Variants in CFC1 observed in about 807,000 individuals in gnomAD.
CFC1 encodes cryptic protein.
For missense variants in CFC1, 14 were observed against 120.0 expected, an observed-to-expected ratio of 0.12 and a Z score of 4.13; for synonymous variants, 8 against 50.7, an observed-to-expected ratio of 0.16 and a Z score of 3.58.
chr2:130,598,409 T>C (rs374708803), intron 3 of CFC1, among the ~76,000 whole-genome samples: 2 of 150,494 alleles, frequency 1.3e-5, no homozygotes, highest in South Asian at 2.1e-4. Context: ...TGCAGCAAAA[T>C]AACCATTGAA....
chr2:130,595,662 CTGGAGG>C (rs1684946088), intron 5 of CFC1, among the ~76,000 whole-genome samples: 1 of 148,930 alleles, frequency 6.7e-6, no homozygotes, highest in South Asian at 2.1e-4. Context: ...GGCATGAACC[CTGGAGG>C]TGGAGCTTGC....
chr2:130,592,204 T>C lies in CFC1; in HGVS notation c.*673A>G, dbSNP rs1389271202. Reference sequence around the variant, plus strand: ...ACTTTATTTTTCTTTAATACTCATTTGAATGTTACGTTAAATTCATATTTT... The same window carrying C: ...ACTTTATTTTTCTTTAATACTCATTCGAATGTTACGTTAAATTCATATTTT... On this transcript the variant is annotated 3_prime_UTR_variant, in exon 6 of 6. Transcript: ENST00000259216. 3 of 150,350 alleles carry C rather than the reference T, an allele frequency of 2.0e-5. No individual in the cohort carries two copies. Among genetic ancestry groups the C allele is most frequent in the Non-Finnish European group, 4.3e-5 (3 of 69,056 alleles). The allele number at this position is 150,350 out of a possible 1,614,324, so 9.3% of individuals were successfully genotyped here.
At chr2:130,598,401 C>T (rs1244110029) in intron 3 of CFC1, among the ~76,000 whole-genome samples, 29 of 150,234 alleles carry the variant, frequency 1.9e-4, no homozygotes. Context: ...TCTAGATCTG[C>T]AGCAAAATAA....
chr2:130,594,123 G>A (rs1194300838), intron 5 of CFC1, among the ~76,000 whole-genome samples: 1 of 151,688 alleles, frequency 6.6e-6, no homozygotes, highest in Non-Finnish European at 1.5e-5. Flanking sequence ...AAGGAATGAT[G>A]CAGATGAACA....
chr2:130,593,336 A>G (rs1404439930), intron 5 of CFC1, among the ~76,000 whole-genome samples: 3 of 152,296 alleles, frequency 2.0e-5, no homozygotes, highest in African/African-American at 7.2e-5. Context: ...AGGGGGAACG[A>G]AGAACAGCCC....
intron 5 of CFC1, among the ~76,000 whole-genome samples, chr2:130,593,947 T>C (rs1684893026): frequency 7.0e-6 from 1 of 142,438 alleles, no homozygotes; most frequent in Non-Finnish European, 1.5e-5. Context: ...GGGGTCAGGC[T>C]GGTAGAAGAG....
At chr2:130,597,003 C>T (rs1315709191) in intron 5 of CFC1, among the ~76,000 whole-genome samples, 1 of 147,906 alleles carries the variant, frequency 6.8e-6, no homozygotes, top group Admixed American at 6.6e-5. Flanking sequence ...TGGGCCTTCA[C>T]TAGCTGTGCC....
In CFC1 at chr2:130,598,763, G is replaced by T; in HGVS notation, c.126C>A (p.Ala42=). 1.2e-6 allele frequency: 2 copies of T among 1,612,746 alleles called. No individual in the cohort carries two copies. The highest frequency in any genetic ancestry group is 1.7e-6 in the Non-Finnish European group (2 of 1,179,300). Residue 42 remains alanine, a synonymous_variant, in exon 3 of 6, where the codon GCC becomes GCA. Transcript: ENST00000259216. The part of the protein sequence containing the change: ...NGGREEVTKV[A]TQKHRQSPLN... Reference sequence around the variant, plus strand: ...GCGGTGACTGTCGGTGCTTCTGAGTGGCAACCTTGGTGACTTCCTCTCTAC... The same window carrying T: ...GCGGTGACTGTCGGTGCTTCTGAGTTGCAACCTTGGTGACTTCCTCTCTAC...
At chr2:130,593,695 TCCCCA>T (rs1684883975) in intron 5 of CFC1, among the ~76,000 whole-genome samples, 2 of 146,790 alleles carry the variant, frequency 1.4e-5, no homozygotes, top group Non-Finnish European at 3.0e-5. Flanking sequence ...CTGTGTCCCC[TCCCCA>T]CCCCTCACAG....
Position 130,592,343 on chromosome 2 carries a change from G to C in CFC1, c.*534C>G. ...ACTACAGTGGATTTAAAAAGCTGAA[G>C]AGCTCAATGCAAGTGCCCTCTACCC... On this transcript the variant is annotated 3_prime_UTR_variant, in exon 6 of 6. Transcript: ENST00000259216. 4.6e-6 allele frequency: 1 copy of C among 216,518 alleles called. No individual in the cohort carries two copies. Among genetic ancestry groups the C allele is most frequent in the Non-Finnish European group, 9.2e-6 (1 of 108,840 alleles). The allele number at this position is 216,518 out of a possible 1,614,324, so 13.4% of individuals were successfully genotyped here.
intron 5 of CFC1, among the ~76,000 whole-genome samples, chr2:130,595,587 A>AG (rs1314744907): frequency 4.2e-5 from 6 of 143,458 alleles, no homozygotes; most frequent in Non-Finnish European, 9.0e-5. Flanking sequence ...AAATAAAAAA[A>AG]GTTAGCTGGG....
At chr2:130,593,343 G>A (rs1294876664) in intron 5 of CFC1, among the ~76,000 whole-genome samples, 5 of 152,298 alleles carry the variant, frequency 3.3e-5, no homozygotes, top group Non-Finnish European at 7.3e-5. Flanking sequence ...ACGAAGAACA[G>A]CCCTTCCGTC....
intron 5 of CFC1, among the ~76,000 whole-genome samples, chr2:130,594,278 C>T (rs1684904756): frequency 6.7e-6 from 1 of 148,154 alleles, no homozygotes; most frequent in Non-Finnish European, 1.5e-5. Flanking sequence ...GCCAGAATCC[C>T]CAAACAGGAA....
chr2:130,596,120 A>G, intron 5 of CFC1, among the ~76,000 whole-genome samples: 1 of 62,056 alleles, frequency 1.6e-5, no homozygotes, highest in South Asian at 5.8e-4. Flanking sequence ...CCCTCTCTGC[A>G]CCTGACAGAT....
At chr2:130,595,869 G>A (rs1224558062) in intron 5 of CFC1, among the ~76,000 whole-genome samples, 2 of 112,980 alleles carry the variant, frequency 1.8e-5, no homozygotes, top group Admixed American at 9.6e-5. Context: ...GCTTTCATAA[G>A]AGTTAAATGG....
At chr2:130,596,538 T>A (rs1684966100) in intron 5 of CFC1, among the ~76,000 whole-genome samples, 2 of 150,330 alleles carry the variant, frequency 1.3e-5, no homozygotes, top group South Asian at 4.2e-4. Context: ...TCTTCCCTGC[T>A]GGCACCATGC....
At chr2:130,593,770 A>AC (rs1684886336) in intron 5 of CFC1, among the ~76,000 whole-genome samples, 1 of 136,846 alleles carries the variant, frequency 7.3e-6, no homozygotes, top group Admixed American at 7.4e-5. Context: ...TGTAGCTGGG[A>AC]CCCCAGCCCA....
At chr2:130,594,295 C>T (rs1370326435) in intron 5 of CFC1, among the ~76,000 whole-genome samples, 4 of 147,964 alleles carry the variant, frequency 2.7e-5, no homozygotes, top group East Asian at 1.9e-4. Context: ...GGAATGCTAA[C>T]GTCTAGGCTC....
intron 5 of CFC1, among the ~76,000 whole-genome samples, chr2:130,595,422 T>A (rs571857310): frequency 6.7e-6 from 1 of 149,206 alleles, no homozygotes. Flanking sequence ...ATATTGATAA[T>A]TACTCTTATA....
Sources: allele counts gnomAD v4.1 joint callset (sites outside exome capture counted in the v4.1 genomes callset), GRCh38; gene constraint gnomAD v4.1.1; transcripts MANE v1.5; gene names NCBI Gene and HGNC (gene_info 2026-07-23, HGNC 2026-07-21).